Variants in SLC7A1 observed in about 807,000 individuals in gnomAD.
SLC7A1 encodes the protein high affinity cationic amino acid transporter 1.
A neutral mutation model predicts 53.9 loss-of-function variants in SLC7A1; 10 were observed. The observed-to-expected ratio is 0.19, with a 90% confidence interval of 0.11 to 0.31. The LOEUF (loss-of-function observed/expected upper bound fraction) is 0.31. SLC7A1 is among the 10% of genes least tolerant of loss of function. The probability of loss-of-function intolerance (pLI) is 1.00; values close to 1 mark genes in which losing one functional copy is unlikely to be tolerated. For synonymous variants in SLC7A1, 342 were observed against 338.7 expected (o/e 1.01, Z -0.11); for missense variants, 525 against 827.2 (o/e 0.63, Z 4.48).
intron 2 of SLC7A1, among the ~76,000 whole-genome samples, chr13:29,537,034 C>T (rs1346566059): frequency 1.3e-5 from 2 of 152,244 alleles, no homozygotes; most frequent in Admixed American, 6.5e-5. Context: ...CTCCAACCTA[C>T]GGGCCCACCT....
At chr13:29,520,498 TC>T (rs1868588945) in intron 8 of SLC7A1, among the ~76,000 whole-genome samples, 1 of 152,226 alleles carries the variant, frequency 6.6e-6, no homozygotes, top group African/African-American at 2.4e-5. Flanking sequence ...CTTCACTGTG[TC>T]CCTTGCCTTT....
In SLC7A1 at chr13:29,595,589, G is replaced by T. The variant is rs1379596570; in HGVS notation, c.-288C>A. The T allele has an allele frequency of 2.6e-5, 4 of 151,008 alleles. No homozygotes were observed. The highest frequency in any genetic ancestry group is 4.4e-5 in the Non-Finnish European group (3 of 67,820). The allele number at this position is 151,008 out of a possible 1,614,324, so 9.4% of individuals were successfully genotyped here. On this transcript the variant is annotated 5_prime_UTR_variant, in exon 1 of 13. Transcript: ENST00000380752. ...TTAGCGGGAGCCCGCGGCCGCGTGC[G>T]CGCCTGCCAGGTAGTTGACCCGCTG...
intron 2 of SLC7A1, among the ~76,000 whole-genome samples, chr13:29,548,565 AT>A (rs1458324823): frequency 6.6e-6 from 1 of 152,268 alleles, no homozygotes; most frequent in East Asian, 1.9e-4. Flanking sequence ...AAGAGCATCC[AT>A]AAAACATGAT....
At chr13:29,585,524 T>C (rs924606530) in intron 1 of SLC7A1, among the ~76,000 whole-genome samples, 6 of 152,144 alleles carry the variant, frequency 3.9e-5, no homozygotes, top group Non-Finnish European at 7.3e-5. Flanking sequence ...TTGATTACAA[T>C]GTAAATTTAG....
rs1869098889 is a variant in SLC7A1 at position 29,530,527 on chromosome 13, C to A, written c.704+11G>T. The A allele has an allele frequency of 6.2e-7, 1 of 1,612,376 alleles. No individual in the cohort carries two copies. Among genetic ancestry groups the A allele is most frequent in the African/African-American group, 1.3e-5 (1 of 74,846 alleles). On this transcript the variant is annotated intron_variant, in intron 5 of 12. Transcript: ENST00000380752. ...GTCAACTAAGAAAAATGGTCAGAAGCAGCAACTCACTTGTTCAAACAGAGA... is the reference window on the plus strand; with the variant it reads ...GTCAACTAAGAAAAATGGTCAGAAGAAGCAACTCACTTGTTCAAACAGAGA...
At chr13:29,570,693 T>C (rs1356449507) in intron 1 of SLC7A1, among the ~76,000 whole-genome samples, 1 of 151,552 alleles carries the variant, frequency 6.6e-6, no homozygotes, top group Non-Finnish European at 1.5e-5. Flanking sequence ...CTCTACAAAA[T>C]ACAGGAAAAA....
intron 8 of SLC7A1, among the ~76,000 whole-genome samples, chr13:29,521,957 G>A (rs1868648761): frequency 6.6e-6 from 1 of 152,162 alleles, no homozygotes; most frequent in Non-Finnish European, 1.5e-5. Context: ...AGGTACTGGC[G>A]AGGTCTCCCT....
At position 29,530,624 on chromosome 13, in the gene SLC7A1, C is replaced by A; in HGVS notation, c.618G>T (p.Val206=). 10 of 1,614,092 alleles carry A rather than the reference C, an allele frequency of 6.2e-6. No individual in the cohort carries two copies. Among genetic ancestry groups the A allele is most frequent in the Non-Finnish European group, 8.5e-6 (10 of 1,179,978 alleles). The change falls in exon 5 of 13, where the codon GTG becomes GTT. Residue 206 remains valine (V), a synonymous_variant. Coordinates refer to ENST00000380752, the MANE Select transcript of SLC7A1 (RefSeq NM_003045.5). ...INVLVLGFIM[V]SGFVKGSVKN... ...TAACCGATCCTTTCACAAATCCTGA[C>A]ACCATTATGAAGCCCAGGACCAGGA...
intron 1 of SLC7A1, among the ~76,000 whole-genome samples, chr13:29,567,546 G>C (rs544923605): frequency 6.6e-6 from 1 of 152,294 alleles, no homozygotes; most frequent in African/African-American, 2.4e-5. Flanking sequence ...CTGAATGTTC[G>C]GAATGCTCAA....
chr13:29,564,876 T>C (rs1370957588), intron 1 of SLC7A1, among the ~76,000 whole-genome samples: 1 of 152,246 alleles, frequency 6.6e-6, no homozygotes, highest in Non-Finnish European at 1.5e-5. Flanking sequence ...AGATAATTTC[T>C]TTGAATAAAT....
At chr13:29,551,442 G>A (rs559829134) in intron 2 of SLC7A1, among the ~76,000 whole-genome samples, 3 of 152,266 alleles carry the variant, frequency 2.0e-5, no homozygotes, top group Non-Finnish European at 4.4e-5. Flanking sequence ...ACATCATGGC[G>A]GTGCCCAGTA....
At chr13:29,561,874 A>G (rs982257988) in intron 1 of SLC7A1, among the ~76,000 whole-genome samples, 4 of 152,206 alleles carry the variant, frequency 2.6e-5, no homozygotes, top group African/African-American at 9.6e-5. Context: ...ACACACTGAA[A>G]GCTGCAATTC....
intron 3 of SLC7A1, among the ~76,000 whole-genome samples, chr13:29,534,831 G>C (rs572591944): frequency 6.6e-6 from 1 of 152,344 alleles, no homozygotes; most frequent in African/African-American, 2.4e-5. Context: ...GGCATGTTGA[G>C]TGGCCGTTTG....
At chr13:29,576,292 T>TAAA (rs146432104) in intron 1 of SLC7A1, among the ~76,000 whole-genome samples, 3,647 of 107,182 alleles carry the variant, frequency 0.034, 298 homozygotes, top group African/African-American at 0.12. Context: ...ATCCTGTTTT[T>TAAA]TAAAAAAAAA....
At chr13:29,555,319 C>T (rs1219011364) in intron 1 of SLC7A1, among the ~76,000 whole-genome samples, 1 of 105,720 alleles carries the variant, frequency 9.5e-6, no homozygotes, top group Middle Eastern at 6.5e-3. Flanking sequence ...GATCCCGCCA[C>T]TGCACTCCAG....
At chr13:29,583,237 G>C (rs1871729255) in intron 1 of SLC7A1, among the ~76,000 whole-genome samples, 1 of 152,196 alleles carries the variant, frequency 6.6e-6, no homozygotes, top group Admixed American at 6.5e-5. Context: ...TTCCTTCAAG[G>C]AAGTCTAGGA....
chr13:29,570,106 C>CA lies in SLC7A1; in HGVS notation c.-114-16247dup, dbSNP rs773219068. On this transcript the variant is annotated intron_variant, in intron 1 of 12. Coordinates refer to ENST00000380752, the MANE Select transcript of SLC7A1 (RefSeq NM_003045.5). Reference sequence around the variant, plus strand: ...CAGGTGAAATTACCTAGCAGCTCCCCACCTGCCTGTGAATCCTGGGGAAGC... The same window carrying CA: ...CAGGTGAAATTACCTAGCAGCTCCCCAACCTGCCTGTGAATCCTGGGGAAGC... Among the ~76,000 whole-genome samples the CA allele has an allele frequency of 1.2e-4, 18 of 152,352 alleles. No individual in the cohort carries two copies. In the East Asian group the frequency reaches 1.7e-3, roughly 15 times the overall value.
In SLC7A1 at chr13:29,535,945, G is replaced by T; in HGVS notation, c.244C>A (p.Leu82Met). 6.2e-7 allele frequency: 1 copy of T among 1,614,184 alleles called. No homozygotes were observed. Among genetic ancestry groups the T allele is most frequent in the South Asian group, 1.1e-5 (1 of 91,076 alleles). Residue 82 changes from leucine (L) to methionine (M), a missense_variant, in exon 3 of 13, where the codon CTG becomes ATG. Transcript: ENST00000380752. ...IAALASVLAG[L>M]CYGEFGARVP... is the part of the protein sequence containing the mutation. ...CGAGCACCAAACTCGCCATAGCACA[G>T]GCCAGCCAGCACTGAGGCCAGCGCA...
intron 1 of SLC7A1, chr13:29,586,802 T>C (rs1231772743): frequency 6.6e-6 from 1 of 152,284 alleles, no homozygotes; most frequent in Non-Finnish European, 1.5e-5. Flanking sequence ...CAAGCTCTAA[T>C]TTGTGCATCT....
Sources: allele counts gnomAD v4.1 joint callset (sites outside exome capture counted in the v4.1 genomes callset), GRCh38; gene constraint gnomAD v4.1.1; transcripts MANE v1.5; gene names NCBI Gene and HGNC (gene_info 2026-07-23, HGNC 2026-07-21).